SCAF1: variants seen among roughly 807,000 people sequenced by gnomAD.
SCAF1 encodes the protein splicing factor, arginine/serine-rich 19.
A neutral mutation model predicts 91.2 loss-of-function variants in SCAF1; 28 were observed. That is an observed-to-expected ratio of 0.31 (90% CI 0.23 to 0.42). The LOEUF is 0.42. SCAF1 is among the 10% of genes least tolerant of loss of function. The pLI is 1.00. For missense variants in SCAF1, 1,893 were observed against 1,872.1 expected, an observed-to-expected ratio of 1.01 and a Z score of -0.21; for synonymous variants, 1,036 against 833.7, an observed-to-expected ratio of 1.24 and a Z score of -4.18.
In SCAF1 at chr19:49,645,739, TC is replaced by T. The variant is rs1383254481; in HGVS notation, c.166+329del. Among the ~76,000 whole-genome samples the T allele has an allele frequency of 6.6e-6, 1 of 152,130 alleles. No homozygotes were observed. Among genetic ancestry groups the T allele is most frequent in the Non-Finnish European group, 1.5e-5 (1 of 67,996 alleles). On this transcript the variant is annotated intron_variant, in intron 3 of 10. Coordinates refer to ENST00000360565, the MANE Select transcript of SCAF1 (RefSeq NM_021228.3). The surrounding 1 kb of genome is among the most constrained non-coding windows in gnomAD (Gnocchi z 4.6). Reference sequence around the variant, plus strand: ...GACCTAGGATTAGAGGGAAGCCTGATCAGCTGCAGCAGGCCTACAGCACGGG... The same window carrying T: ...GACCTAGGATTAGAGGGAAGCCTGATAGCTGCAGCAGGCCTACAGCACGGG...
chr19:49,652,536 G>A lies in SCAF1; in HGVS notation c.2147G>A (p.Arg716Gln), dbSNP rs757694844. 4.5e-6 allele frequency: 7 copies of A among 1,571,140 alleles called. No individual in the cohort carries two copies. The highest frequency in any genetic ancestry group is 6.0e-6 in the Non-Finnish European group (7 of 1,157,514). Residue 716 changes from arginine (R) to glutamine (Q), a missense_variant, in exon 7 of 11, where the codon CGA becomes CAA. Transcript: ENST00000360565. ...TVGRLDKSDP[R>Q]GPSPAPASSP... ...GGCCGGCTTGACAAGTCCGACCCCC[G>A]AGGACCCTCTCCTGCTCCGGCCTCC...
chr19:49,651,833 C>G lies in SCAF1; in HGVS notation c.1444C>G (p.Leu482Val), dbSNP rs1161304942. ...AADSRWGGLD[L>V]RRKILTQRRE... ...CGACTCGCGCTGGGGCGGCCTGGAC[C>G]TGCGCCGCAAGATCCTGACCCAACG... The change falls in exon 7 of 11, where the codon CTG becomes GTG. Residue 482 changes from leucine (L) to valine (V), a missense_variant. Around this residue, in one of 5 missense-constraint regions of SCAF1, gnomAD observed 1,436 missense variants for 1,306.8 expected, o/e 1.10. Coordinates refer to ENST00000360565, the MANE Select transcript of SCAF1 (RefSeq NM_021228.3). The G allele has an allele frequency of 1.0e-5, 13 of 1,254,972 alleles. No individual in the cohort carries two copies. Among genetic ancestry groups the G allele is most frequent in the Non-Finnish European group, 1.2e-5 (12 of 1,000,604 alleles). 77.7% of individuals were successfully genotyped at this position (1,254,972 alleles called of 1,614,324 possible).
In SCAF1 at chr19:49,645,450, C is replaced by G. The variant is rs757705688; in HGVS notation, c.166+39C>G. The G allele has an allele frequency of 1.3e-6, 2 of 1,580,096 alleles. No homozygotes were observed. Among genetic ancestry groups the G allele is most frequent in the Non-Finnish European group, 1.7e-6 (2 of 1,157,344 alleles). On this transcript the variant is annotated intron_variant, in intron 3 of 10. Coordinates refer to ENST00000360565, the MANE Select transcript of SCAF1 (RefSeq NM_021228.3). The surrounding 1 kb of genome is among the most constrained non-coding windows in gnomAD (Gnocchi z 4.6). ...CGGTTCCTTTTAGCCCCTGCCCCCT[C>G]TCTGCATTCTTTATCCTAATGTCAT...
chr19:49,644,608 G>T (rs1032040972), intron 1 of SCAF1, among the ~76,000 whole-genome samples: 4 of 152,142 alleles, frequency 2.6e-5, no homozygotes, highest in African/African-American at 9.7e-5. Flanking sequence ...ATAGGACTGT[G>T]GAACACACCC....
chr19:49,653,204 C>G lies in SCAF1; in HGVS notation c.2815C>G (p.Gln939Glu). Residue 939 changes from glutamine (Q) to glutamate (E), a missense_variant, in exon 7 of 11, where the codon CAG becomes GAG. Gln to Glu is a conservative substitution (Grantham distance 29). Coordinates refer to ENST00000360565, the MANE Select transcript of SCAF1 (RefSeq NM_021228.3). Reference protein sequence around the residue: ...SGGGSGGSGGQVSLKKSKADS... With the variant: ...SGGGSGGSGGEVSLKKSKADS... Reference sequence around the variant, plus strand: ...AGGTGGCAGCGGGGGCAGTGGTGGCCAGGTGTCGCTGAAGAAGTCCAAGGC... The same window carrying G: ...AGGTGGCAGCGGGGGCAGTGGTGGCGAGGTGTCGCTGAAGAAGTCCAAGGC... The G allele has an allele frequency of 6.5e-7, 1 of 1,542,658 alleles. No individual in the cohort carries two copies. The highest frequency in any genetic ancestry group is 2.3e-5 in the East Asian group (1 of 43,092).
In SCAF1 at chr19:49,651,238, C is replaced by G. The variant is rs1555749064; in HGVS notation, c.849C>G (p.Asp283Glu). Residue 283 changes from aspartate (D) to glutamate (E), a missense_variant, in exon 7 of 11, where the codon GAC (aspartate) becomes GAG (glutamate). Coordinates refer to ENST00000360565, the MANE Select transcript of SCAF1 (RefSeq NM_021228.3). ...EEEEEEEEEE[D>E]EEEEEGLSQS... Reference sequence around the variant, plus strand: ...AGGAAGAAGAAGAGGAAGAGGAAGACGAGGAGGAGGAGGAAGGCCTGTCCC... The same window carrying G: ...AGGAAGAAGAAGAGGAAGAGGAAGAGGAGGAGGAGGAGGAAGGCCTGTCCC... 2 of 1,611,992 alleles carry G rather than the reference C, an allele frequency of 1.2e-6. No homozygotes were observed. The highest frequency in any genetic ancestry group is 1.7e-6 in the Non-Finnish European group (2 of 1,179,382).
Position 49,653,293 on chromosome 19 carries a change from G to A in SCAF1, c.2904G>A (p.Glu968=), listed in dbSNP as rs1463393314. 5 of 1,467,008 alleles carry A rather than the reference G, an allele frequency of 3.4e-6. No homozygotes were observed. The highest frequency in any genetic ancestry group is 2.8e-5 in the African/African-American group (2 of 70,348). 90.9% of individuals were successfully genotyped at this position (1,467,008 alleles called of 1,614,324 possible). A position where few individuals can be genotyped will look rare whatever the true frequency, so the allele number is the denominator to read the frequency against. ...AGGAGACTTCCTGGTCCGGGGAGGAGCGGGCAGCCAAGGTTCCTAGCACCC... is the reference window on the plus strand; with the variant it reads ...AGGAGACTTCCTGGTCCGGGGAGGAACGGGCAGCCAAGGTTCCTAGCACCC... ...GAEETSWSGE[E]RAAKVPSTPP... The change falls in exon 7 of 11, where the codon GAG becomes GAA. Residue 968 remains glutamate (E), a synonymous_variant. Transcript: ENST00000360565.
chr19:49,654,616 C>T, intron 8 of SCAF1, 36 bp from the exon 9 acceptor site: 1 of 1,531,512 alleles, frequency 6.5e-7, no homozygotes, highest in Non-Finnish European at 9.0e-7. Context: ...CCCTCCACCT[C>T]CCTTTACTCA....
rs780280766 is a variant in SCAF1 at position 49,646,177 on chromosome 19, A to G, written c.236A>G (p.Glu79Gly). The change falls in exon 4 of 11, where the codon GAA (glutamate) becomes GGA (glycine). Residue 79 changes from glutamate (E) to glycine (G), a missense_variant. Around this residue, in one of 5 missense-constraint regions of SCAF1, gnomAD observed 270 missense variants for 292.5 expected, o/e 0.92. Coordinates refer to ENST00000360565, the MANE Select transcript of SCAF1 (RefSeq NM_021228.3). This position sits in a 1 kb window ranked among gnomAD's most constrained non-coding sequence, Gnocchi z 5.6. ...CCACGGTCAGAGCCCCGTTCCCAGG[A>G]ATCAGGGGGCACTGACACGGCTACT... Reference protein sequence around the residue: ...RSPRSEPRSQESGGTDTATVL... With the variant: ...RSPRSEPRSQGSGGTDTATVL... The G allele has an allele frequency of 1.2e-5, 20 of 1,609,468 alleles. No homozygotes were observed. The highest frequency in any genetic ancestry group is 1.7e-6 in the Non-Finnish European group (2 of 1,179,584).
rs756708591 is a variant in SCAF1, at chr19:49,654,808, G to A, written c.3556G>A (p.Ala1186Thr). 1 of 1,612,584 alleles carries A rather than the reference G, an allele frequency of 6.2e-7. No individual in the cohort carries two copies. The highest frequency in any genetic ancestry group is 1.1e-5 in the South Asian group (1 of 90,994). ...GACCCCCCCCACCCCCACCGGGCTG[G>A]CTGCCACGTCTGACAAGAGAGAGGG... ...GSTPPTPTGLAATSDKREGSS... is the reference protein window; with the variant it reads ...GSTPPTPTGLTATSDKREGSS... Residue 1186 changes from alanine (A) to threonine (T), a missense_variant, in exon 9 of 11, where the codon GCT becomes ACT. Ala to Thr is a moderately conservative substitution (Grantham distance 58). This residue lies in a region of SCAF1 where 1,436 missense variants were observed against 1,306.8 expected (regional missense o/e 1.10). Coordinates refer to ENST00000360565, the MANE Select transcript of SCAF1 (RefSeq NM_021228.3).
rs1320945706 is a variant in SCAF1 at position 49,653,513 on chromosome 19, C to T, written c.3124C>T (p.Pro1042Ser). 3.2e-6 allele frequency: 5 copies of T among 1,570,300 alleles called. No individual in the cohort carries two copies. Among genetic ancestry groups the T allele is most frequent in the Non-Finnish European group, 4.3e-6 (5 of 1,162,674 alleles). The change falls in exon 7 of 11, where the codon CCT (proline) becomes TCT (serine). Residue 1042 changes from proline to serine, a missense_variant. Pro to Ser is a moderately conservative substitution (Grantham distance 74). Coordinates refer to ENST00000360565, the MANE Select transcript of SCAF1 (RefSeq NM_021228.3). Reference sequence around the variant, plus strand: ...AGAGGAAGAGGAGGAGGAGCAGCAGCCTGCTACCACCACGGCCACCAGCAC... The same window carrying T: ...AGAGGAAGAGGAGGAGGAGCAGCAGTCTGCTACCACCACGGCCACCAGCAC... ...EEEEEEEEQQPATTTATSTAA... is the reference protein window; with the variant it reads ...EEEEEEEEQQSATTTATSTAA...
At position 49,646,217 on chromosome 19, in the gene SCAF1, G is replaced by C; in HGVS notation, c.261+15G>C. The C allele has an allele frequency of 6.3e-7, 1 of 1,596,980 alleles. No individual in the cohort carries two copies. On this transcript the variant is annotated intron_variant, in intron 4 of 10. Coordinates refer to ENST00000360565, the MANE Select transcript of SCAF1 (RefSeq NM_021228.3). The surrounding 1 kb of genome is among the most constrained non-coding windows in gnomAD (Gnocchi z 5.6). ...ACACGGCTACTGTGAGTAAGAAGAG[G>C]GGGCTGGGGGCCTGGCTCACGGGTA...
Position 49,642,240 on chromosome 19 carries a change from G to T in SCAF1, c.-9G>T, listed in dbSNP as rs922018695. ...GGGCCGGAGCCGCAGCCCGAGCGGCGGGGTAAGATGGCGGCGGCAGTCCGG... is the reference window on the plus strand; with the variant it reads ...GGGCCGGAGCCGCAGCCCGAGCGGCTGGGTAAGATGGCGGCGGCAGTCCGG... On this transcript the variant is annotated splice_region_variant and 5_prime_UTR_variant, in exon 1 of 11. Coordinates refer to ENST00000360565, the MANE Select transcript of SCAF1 (RefSeq NM_021228.3). This position sits in a 1 kb window ranked among gnomAD's most constrained non-coding sequence, Gnocchi z 4.0. 1 of 152,188 alleles carries T rather than the reference G, an allele frequency of 6.6e-6. No homozygotes were observed. The highest frequency in any genetic ancestry group is 1.5e-5 in the Non-Finnish European group (1 of 68,020). The allele number at this position is 152,188 out of a possible 1,614,324, so 9.4% of individuals were successfully genotyped here.
Position 49,651,049 on chromosome 19 carries a change from A to T in SCAF1, c.660A>T (p.Pro220=). ...PPPPPPAPPA[P]PAPRFDIYDP... is the part of the protein sequence containing the mutation. ...CACCGCCCCCTGCACCCCCAGCCCC[A>T]CCTGCCCCCCGATTCGATATCTATG... Residue 220 remains proline (P), a synonymous_variant, in exon 7 of 11, where the codon CCA becomes CCT. Coordinates refer to ENST00000360565, the MANE Select transcript of SCAF1 (RefSeq NM_021228.3). 1 of 459,158 alleles carries T rather than the reference A, an allele frequency of 2.2e-6. No homozygotes were observed. The highest frequency in any genetic ancestry group is 5.5e-5 in the African/African-American group (1 of 18,134). 28.4% of individuals were successfully genotyped at this position (459,158 alleles called of 1,614,324 possible).
intron 6 of SCAF1, among the ~76,000 whole-genome samples, chr19:49,648,474 G>T (rs1014230169): frequency 5.3e-5 from 8 of 151,262 alleles, no homozygotes; most frequent in Non-Finnish European, 8.8e-5. Context: ...GCGCAGGCTG[G>T]TCTTAAACTC....
rs112843063 is a variant in SCAF1 at position 49,646,977 on chromosome 19, G to A, written c.478+147G>A. On this transcript the variant is annotated intron_variant, in intron 6 of 10. Coordinates refer to ENST00000360565, the MANE Select transcript of SCAF1 (RefSeq NM_021228.3). This position sits in a 1 kb window ranked among gnomAD's most constrained non-coding sequence, Gnocchi z 5.6. ...ATTAGACGTGATTAAGGCTGTAGGC[G>A]CATACAGATGTACATAAAGTAAAAA... 1.5e-4 allele frequency: 94 copies of A among 647,248 alleles called. No homozygotes were observed. The highest frequency in any genetic ancestry group is 1.4e-3 in the East Asian group (52 of 36,394). 40.1% of individuals were successfully genotyped at this position (647,248 alleles called of 1,614,324 possible).
rs951906967 is a variant in SCAF1 at position 49,658,480 on chromosome 19, C to T, written c.*81C>T. The stretch of plus-strand genomic sequence containing the variant: ...GCTCCACCTCCCCACCTCCCTCCCC[C>T]GTCAGTGGGATGACTGGGGGAGGGT... On this transcript the variant is annotated 3_prime_UTR_variant, in exon 11 of 11. Coordinates refer to ENST00000360565, the MANE Select transcript of SCAF1 (RefSeq NM_021228.3). 22 of 771,668 alleles carry T rather than the reference C, an allele frequency of 2.9e-5. No homozygotes were observed. The highest frequency in any genetic ancestry group is 8.7e-5 in the African/African-American group (5 of 57,154). 47.8% of individuals were successfully genotyped at this position (771,668 alleles called of 1,614,324 possible). A position where few individuals can be genotyped will look rare whatever the true frequency, so the allele number is the denominator to read the frequency against.
Position 49,653,592 on chromosome 19 carries a change from CG to C in SCAF1, c.3208del (p.Ala1070ArgfsTer37), listed in dbSNP as rs746586718. 1.3e-6 allele frequency: 2 copies of C among 1,583,232 alleles called. No individual in the cohort carries two copies. The highest frequency in any genetic ancestry group is 1.7e-6 in the Non-Finnish European group (2 of 1,170,296). On this transcript the variant is annotated frameshift_variant, in exon 7 of 11. Coordinates refer to ENST00000360565, the MANE Select transcript of SCAF1 (RefSeq NM_021228.3). LOFTEE classifies it high-confidence loss of function. ...AGCGCGGGGTCCACAGCCGGTGACT[CG>C]GGGGCGGAGGACGGGCCAGCTTCCC... ...APSAGSTAGD[S>X]GAEDGPASRV...
Position 49,652,293 on chromosome 19 carries a change from G to A in SCAF1, c.1904G>A (p.Arg635Gln), listed in dbSNP as rs1236396316. 18 of 1,525,910 alleles carry A rather than the reference G, an allele frequency of 1.2e-5. No individual in the cohort carries two copies. The highest frequency in any genetic ancestry group is 1.5e-5 in the Non-Finnish European group (17 of 1,139,570). The allele number at this position is 1,525,910 out of a possible 1,614,324, so 94.5% of individuals were successfully genotyped here. A position where few individuals can be genotyped will look rare whatever the true frequency, so the allele number is the denominator to read the frequency against. The part of the protein sequence containing the change: ...SRRERHRGKH[R>Q]DGGGSKKKKK... ...CGCGAGCGGCACCGCGGGAAACACCGGGACGGTGGCGGCAGCAAGAAGAAG... is the reference window on the plus strand; with the variant it reads ...CGCGAGCGGCACCGCGGGAAACACCAGGACGGTGGCGGCAGCAAGAAGAAG... The change falls in exon 7 of 11, where the codon CGG (arginine) becomes CAG (glutamine). Residue 635 changes from arginine (R) to glutamine (Q), a missense_variant. This residue lies in a region of SCAF1 where 1,436 missense variants were observed against 1,306.8 expected (regional missense o/e 1.10). Transcript: ENST00000360565.
Sources: gnomAD v4.1 joint callset for allele counts (sites outside exome capture counted in the v4.1 genomes callset) on GRCh38, gnomAD v4.1.1 for gene constraint, gnomAD v4.1.1 regional missense constraint, Gnocchi (gnomAD v3.1) non-coding constraint, MANE v1.5 for transcripts, NCBI Gene and HGNC (gene_info 2026-07-23, HGNC 2026-07-21) for gene names.